Variants in DOCK8 observed in about 807,000 individuals in gnomAD.
The protein encoded by DOCK8 is dedicator of cytokinesis protein 8.
Under a neutral mutation model 245.6 loss-of-function variants are expected in DOCK8, and 141 were observed. The ratio of observed to expected loss-of-function variants is 0.57; its 90% CI spans 0.50 to 0.66. The LOEUF (loss-of-function observed/expected upper bound fraction) is 0.66. DOCK8 is among the 30% of genes least tolerant of loss of function. The pLI is 0.00. For synonymous variants in DOCK8, 1,168 were observed against 970.2 expected, an observed-to-expected ratio of 1.20 and a Z score of -3.79; for missense variants, 2,965 against 2,603.4, an observed-to-expected ratio of 1.14 and a Z score of -3.02.
At position 370,531 on chromosome 9, in the gene DOCK8, A is replaced by G. The variant is rs12377404; in HGVS notation, c.1868+231A>G. On this transcript the variant is annotated intron_variant, in intron 16 of 47. Coordinates refer to ENST00000432829, the MANE Select transcript of DOCK8 (RefSeq NM_203447.4). ...AATCCAATATAGTTTTGACTTTTCC[A>G]GAAGCTTCTATTCTAGTATGATGCA... 0.23 allele frequency among the ~76,000 whole-genome samples: 35,341 copies of G among 152,148 alleles called. 4,236 individuals carry two copies. Among genetic ancestry groups the G allele is most frequent in the Middle Eastern group, 0.3 (89 of 294 alleles).
At chr9:317,256 G>A (rs1042417944) in intron 7 of DOCK8, 128 bp downstream of exon 7, 1 of 788,202 alleles carries the variant, frequency 1.3e-6, no homozygotes, top group Admixed American at 2.0e-5. Context: ...GTGGGCAGCT[G>A]TGGAGTAGTA....
At chr9:337,158 G>A (rs1395341755) in intron 12 of DOCK8, among the ~76,000 whole-genome samples, 6 of 152,062 alleles carry the variant, frequency 3.9e-5, no homozygotes, top group Admixed American at 3.9e-4. Flanking sequence ...CGTCTTAAAG[G>A]CTCCACTTCC....
At chr9:285,218 A>G (rs947424591) in intron 2 of DOCK8, among the ~76,000 whole-genome samples, 1 of 151,978 alleles carries the variant, frequency 6.6e-6, no homozygotes, top group Non-Finnish European at 1.5e-5. Context: ...TGGGGAGGGG[A>G]CGAGGCCTGC....
intron 4 of DOCK8, among the ~76,000 whole-genome samples, chr9:296,980 C>G (rs906934497): frequency 5.3e-5 from 8 of 152,110 alleles, no homozygotes; most frequent in African/African-American, 1.9e-4. Flanking sequence ...TGGATGCATC[C>G]TCACCGTGTT....
At chr9:344,613 C>G (rs2051779476) in intron 14 of DOCK8, among the ~76,000 whole-genome samples, 1 of 152,134 alleles carries the variant, frequency 6.6e-6, no homozygotes. Flanking sequence ...TTGCCATCTC[C>G]CCATATCTCA....
In DOCK8 at chr9:406,822, G is replaced by T. The variant is rs1564025230; in HGVS notation, c.3391-108G>T. On this transcript the variant is annotated intron_variant, in intron 27 of 47. Transcript: ENST00000432829. ...TGGCACCAGAGTACCTACCTCACTGGGGAGGGCTCACGAAGCCTGGCTGGG... is the reference window on the plus strand; with the variant it reads ...TGGCACCAGAGTACCTACCTCACTGTGGAGGGCTCACGAAGCCTGGCTGGG... 2.1e-6 allele frequency: 3 copies of T among 1,430,818 alleles called. No individual in the cohort carries two copies. In the East Asian group the frequency reaches 6.8e-5, roughly 33 times the overall value. The allele number at this position is 1,430,818 out of a possible 1,614,324, so 88.6% of individuals were successfully genotyped here.
intron 7 of DOCK8, among the ~76,000 whole-genome samples, chr9:322,909 A>G (rs919686122): frequency 6.6e-6 from 1 of 152,010 alleles, no homozygotes; most frequent in South Asian, 2.1e-4. Context: ...CCTGGACAAC[A>G]TGGTAAGACC....
chr9:406,815 C>G (rs2055444699), intron 27 of DOCK8, 115 bp from the exon 28 acceptor site: 6 of 1,355,002 alleles, frequency 4.4e-6, no homozygotes, highest in Admixed American at 3.4e-5. Context: ...GAGTACCTAC[C>G]TCACTGGGGA....
rs778655178 is a variant in DOCK8, at chr9:422,115, A to G, written c.4221A>G (p.Gln1407=). The change falls in exon 33 of 48, where the codon CAA becomes CAG. Residue 1407 remains glutamine, a synonymous_variant. Transcript: ENST00000432829. ...AGAAAGAGCAGACACATTGGCGGCAAGCTAATGAGAAGCTAGATAAGTGAG... is the reference window on the plus strand; with the variant it reads ...AGAAAGAGCAGACACATTGGCGGCAGGCTAATGAGAAGCTAGATAAGTGAG... ...RWKKEQTHWR[Q]ANEKLDKTKA... is the part of the protein sequence containing the mutation. 1.2e-6 allele frequency: 2 copies of G among 1,614,124 alleles called. No homozygotes were observed. The highest frequency in any genetic ancestry group is 1.7e-6 in the Non-Finnish European group (2 of 1,180,014).
At chr9:445,363 C>G (rs2057220993) in intron 43 of DOCK8, among the ~76,000 whole-genome samples, 1 of 152,200 alleles carries the variant, frequency 6.6e-6, no homozygotes, top group Non-Finnish European at 1.5e-5. Context: ...AGTGACCCCA[C>G]TCATCCCTTT....
At chr9:396,747 A>C in intron 24 of DOCK8, 38 bp from the exon 25 acceptor site, 6 of 1,613,870 alleles carry the variant, frequency 3.7e-6, no homozygotes, top group Non-Finnish European at 5.1e-6. Context: ...GCAGGTCACC[A>C]ATCTCCATGT....
At chr9:286,317 T>C (rs1360225358) in intron 2 of DOCK8, 144 bp from the exon 3 acceptor site, 2 of 849,568 alleles carry the variant, frequency 2.4e-6, no homozygotes, top group Non-Finnish European at 3.6e-6. Context: ...GTTTGACAGC[T>C]CCTCCAAAGA....
Position 451,887 on chromosome 9 carries a change from ATATATG to A in DOCK8, c.5962-123_5962-118del, listed in dbSNP as rs1156820322. On this transcript the variant is annotated intron_variant, in intron 45 of 47. Coordinates refer to ENST00000432829, the MANE Select transcript of DOCK8 (RefSeq NM_203447.4). ...TATGTGTGTGTATATATATATACATATATATGCATATACATATACATATGCATATAC... is the reference window on the plus strand; with the variant it reads ...TATGTGTGTGTATATATATATACATACATATACATATACATATGCATATAC... 1.3e-3 allele frequency: 225 copies of A among 174,940 alleles called. 1 individual carries two copies. Among genetic ancestry groups the A allele is most frequent in the Admixed American group, 8.5e-3 (82 of 9,606 alleles). The allele number at this position is 174,940 out of a possible 1,614,324, so 10.8% of individuals were successfully genotyped here.
intron 4 of DOCK8, among the ~76,000 whole-genome samples, chr9:303,492 A>T (rs2049658759): frequency 6.6e-6 from 1 of 152,142 alleles, no homozygotes; most frequent in Non-Finnish European, 1.5e-5. Context: ...TTTTTGCAGC[A>T]ACATGGATGC....
chr9:257,694 T>G (rs141494535), intron 1 of DOCK8, among the ~76,000 whole-genome samples: 3 of 152,272 alleles, frequency 2.0e-5, no homozygotes, highest in African/African-American at 4.8e-5. Context: ...AATTTTTGTA[T>G]TTTTCGTAGA....
intron 1 of DOCK8, among the ~76,000 whole-genome samples, chr9:228,081 G>C (rs2047027962): frequency 6.6e-6 from 1 of 152,080 alleles, no homozygotes; most frequent in Non-Finnish European, 1.5e-5. Context: ...TCCATGCAGA[G>C]GAAATAGAGG....
chr9:267,038 G>C (rs1449746970), intron 1 of DOCK8, among the ~76,000 whole-genome samples: 1 of 152,116 alleles, frequency 6.6e-6, no homozygotes, highest in African/African-American at 2.4e-5. Context: ...CCTTCACTAG[G>C]ACCAGGGTAG....
rs763872135 is a variant in DOCK8 at position 371,435 on chromosome 9, G to A, written c.1876G>A (p.Asp626Asn). ...TAVTYHNKSP[D>N]FYEEVKIKLP... ...AATGTGCTTTTGAAACAGGTCTCCT[G>A]ACTTTTATGAAGAAGTGAAAATTAA... Residue 626 changes from aspartate to asparagine, a missense_variant, in exon 17 of 48, where the codon GAC becomes AAC. This residue lies in a region of DOCK8 where 2,825 missense variants were observed against 2,453.5 expected (regional missense o/e 1.15). Coordinates refer to ENST00000432829, the MANE Select transcript of DOCK8 (RefSeq NM_203447.4). 1.2e-6 allele frequency: 2 copies of A among 1,614,198 alleles called. No homozygotes were observed. The highest frequency in any genetic ancestry group is 1.7e-6 in the Non-Finnish European group (2 of 1,180,022).
At position 384,896 on chromosome 9, in the gene DOCK8, G is replaced by A. The variant is rs981144867; in HGVS notation, c.2779-1435G>A. Among the ~76,000 whole-genome samples the A allele has an allele frequency of 5.9e-5, 9 of 152,142 alleles. No individual in the cohort carries two copies. The South Asian group carries it at 8.3e-4, about 14-fold the overall frequency. On this transcript the variant is annotated intron_variant, in intron 22 of 47. Coordinates refer to ENST00000432829, the MANE Select transcript of DOCK8 (RefSeq NM_203447.4). Reference sequence around the variant, plus strand: ...GTGCCACCGCACTCCAGCCTGGGCAGCAGAGCGAGACTACGTCTAAAAAAA... The same window carrying A: ...GTGCCACCGCACTCCAGCCTGGGCAACAGAGCGAGACTACGTCTAAAAAAA...
Sources: gnomAD v4.1 joint callset for allele counts (sites outside exome capture counted in the v4.1 genomes callset) on GRCh38, gnomAD v4.1.1 for gene constraint, gnomAD v4.1.1 regional missense constraint, MANE v1.5 for transcripts, NCBI Gene and HGNC (gene_info 2026-07-23, HGNC 2026-07-21) for gene names.